The following FAM186B variants were observed in gnomAD, a reference collection of about 807,000 sequenced individuals.
FAM186B encodes protein FAM186B.
Under a neutral mutation model 83.4 loss-of-function variants are expected in FAM186B, and 68 were observed. That is an observed-to-expected ratio of 0.81 (90% confidence interval 0.67 to 1.00). The LOEUF (loss-of-function observed/expected upper bound fraction) is 1.00. Ranked by LOEUF, FAM186B falls within the 50% of genes least tolerant of loss-of-function variation. The probability of loss-of-function intolerance (pLI) is 0.00; values close to 1 mark genes in which losing one functional copy is unlikely to be tolerated. For missense variants in FAM186B, 983 were observed against 1,099.2 expected, an observed-to-expected ratio of 0.89 and a Z score of 1.49; for synonymous variants, 389 against 422.0, an observed-to-expected ratio of 0.92 and a Z score of 0.96.
At chr12:49,584,466 C>T, downstream of FAM186B, 1 of 701,750 alleles carries the variant, frequency 1.4e-6, no homozygotes, top group Non-Finnish European at 2.6e-6. Context: ...TTGAGAATCA[C>T]TGGCTGAGGG....
chr12:49,612,351 A>G, the FAM186B span, among the ~76,000 whole-genome samples: 36 of 150,206 alleles, frequency 2.4e-4, 1 homozygote, highest in Middle Eastern at 3.4e-3. Context: ...GATAAAACAG[A>G]CTTTAATCCA....
chr12:49,587,520 A>G lies in FAM186B; in HGVS notation c.*85T>C. ...GAGGTCATTGTTAAAGCCTGGAGAG[A>G]GATTTATTGGGGAGAATCCACATTG... On this transcript the variant is annotated 3_prime_UTR_variant, in exon 7 of 7. Coordinates refer to ENST00000257894, the MANE Select transcript of FAM186B (RefSeq NM_032130.3). 1 of 1,550,344 alleles carries G rather than the reference A, an allele frequency of 6.5e-7. No homozygotes were observed. The highest frequency in any genetic ancestry group is 8.9e-7 in the Non-Finnish European group (1 of 1,122,292).
the FAM186B span, among the ~76,000 whole-genome samples, chr12:49,611,883 T>G: frequency 6.7e-6 from 1 of 149,806 alleles, no homozygotes; most frequent in South Asian, 2.1e-4. Flanking sequence ...TAAAATAAAA[T>G]AAATAAACTT....
upstream of FAM186B, among the ~76,000 whole-genome samples, chr12:49,609,804 G>C (rs1353052729): frequency 6.6e-6 from 1 of 152,310 alleles, no homozygotes; most frequent in East Asian, 1.9e-4. Context: ...CTGCCATTGA[G>C]GGACCTGTAG....
In FAM186B at chr12:49,599,551, T is replaced by G. The variant is rs969951410; in HGVS notation, c.2089A>C (p.Thr697Pro). ...AGCGCGCCCAGCTCCATGGTGGTGG[T>G]GGTGAGCTCCAGTGCTTTGCTGCGC... Reference protein sequence around the residue: ...YLRSKALELTTTTMELGALRL... With the variant: ...YLRSKALELTPTTMELGALRL... The change falls in exon 4 of 7, where the codon ACC becomes CCC. Residue 697 changes from threonine (T) to proline (P), a missense_variant. Transcript: ENST00000257894. 6.2e-7 allele frequency: 1 copy of G among 1,610,726 alleles called. No individual in the cohort carries two copies. Among genetic ancestry groups the G allele is most frequent in the South Asian group, 1.1e-5 (1 of 90,572 alleles).
the FAM186B span, among the ~76,000 whole-genome samples, chr12:49,615,353 T>C: frequency 6.6e-6 from 1 of 151,362 alleles, no homozygotes; most frequent in Non-Finnish European, 1.5e-5. Context: ...CAAAAGAAAA[T>C]GAATTGAAAG....
chr12:49,601,617 TTA>T (rs1939896328), intron 3 of FAM186B, among the ~76,000 whole-genome samples: 1 of 142,354 alleles, frequency 7.0e-6, no homozygotes, highest in Admixed American at 6.7e-5. Context: ...TTCACATGTT[TTA>T]TGTTTTTTTT....
downstream of FAM186B, among the ~76,000 whole-genome samples, chr12:49,585,344 G>A (rs368434433): frequency 1.3e-3 from 198 of 152,284 alleles, no homozygotes; most frequent in South Asian, 0.011. Flanking sequence ...TAGCTGTGCA[G>A]GAACAGACCC....
In FAM186B at chr12:49,588,396, C is replaced by T. The variant is rs866863867; in HGVS notation, c.2534+58G>A. ...TGCCCACCTCCCCAGGCTGGTCACC[C>T]CTGCTCCCTGCCTCTTCACCCATAC... On this transcript the variant is annotated intron_variant, in intron 6 of 6. Transcript: ENST00000257894. 11 of 1,558,732 alleles carry T rather than the reference C, an allele frequency of 7.1e-6. No homozygotes were observed. The Middle Eastern group carries it at 6.1e-4, about 87-fold the overall frequency.
rs1273727602 is a variant in FAM186B, at chr12:49,588,621, G to A, written c.2367C>T (p.Leu789=). The A allele has an allele frequency of 6.4e-7, 1 of 1,572,946 alleles. No homozygotes were observed. Among genetic ancestry groups the A allele is most frequent in the Admixed American group, 1.7e-5 (1 of 57,172 alleles). Residue 789 remains leucine (L), a splice_region_variant and synonymous_variant, in exon 6 of 7, where the codon CTC becomes CTT. Transcript: ENST00000257894. Reference sequence around the variant, plus strand: ...TCAGGTGAACGTTCCACTCCAGCTGGAGCTAGAGGAACCAGCAGAGAGGCA... The same window carrying A: ...TCAGGTGAACGTTCCACTCCAGCTGAAGCTAGAGGAACCAGCAGAGAGGCA... The part of the protein sequence containing the change: ...LSSMVTMFPK[L]QLEWNVHLNI...
chr12:49,592,898 G>A lies in FAM186B; in HGVS notation c.2365-4275C>T, dbSNP rs139264639. On this transcript the variant is annotated intron_variant, in intron 5 of 6. Coordinates refer to ENST00000257894, the MANE Select transcript of FAM186B (RefSeq NM_032130.3). ...GCTCAGTTACTCCACAAGAAGGCAG[G>A]AAAAGAGGGAAAAAAACAAAGAACA... Among the ~76,000 whole-genome samples, 438 of 152,224 alleles carry A rather than the reference G, an allele frequency of 2.9e-3. 2 individuals carry two copies. The highest frequency in any genetic ancestry group is 4.7e-3 in the Non-Finnish European group (318 of 68,018).
Position 49,600,656 on chromosome 12 carries a change from T to C in FAM186B, c.984A>G (p.Ala328=). 1 of 1,614,088 alleles carries C rather than the reference T, an allele frequency of 6.2e-7. No individual in the cohort carries two copies. The highest frequency in any genetic ancestry group is 8.5e-7 in the Non-Finnish European group (1 of 1,179,988). ...LKKAQNATGQ[A]EDLAEVSVDS... ...CAACAGAAACCTCAGCCAGGTCTTC[T>C]GCCTGACCTGTAGCATTCTGAGCCT... is the stretch of plus-strand genomic sequence containing the variant. The change falls in exon 4 of 7, where the codon GCA becomes GCG. Residue 328 remains alanine, a synonymous_variant. Coordinates refer to ENST00000257894, the MANE Select transcript of FAM186B (RefSeq NM_032130.3). This position sits in a 1 kb window ranked among gnomAD's most constrained non-coding sequence, Gnocchi z 4.3.
At position 49,605,485 on chromosome 12, in the gene FAM186B, C is replaced by T. The variant is rs760791987; in HGVS notation, c.-8G>A. The T allele has an allele frequency of 1.9e-6, 3 of 1,611,848 alleles. No homozygotes were observed. The South Asian group carries it at 3.3e-5, about 18-fold the overall frequency. On this transcript the variant is annotated 5_prime_UTR_variant, in exon 1 of 7. Coordinates refer to ENST00000257894, the MANE Select transcript of FAM186B (RefSeq NM_032130.3). ...GGGGTCATCCTTCTCCATTTTGGAT[C>T]ACTCTGTCAGTCACAAAACATCCTG...
At chr12:49,591,775 T>C (rs1031478352) in intron 5 of FAM186B, among the ~76,000 whole-genome samples, 2 of 152,202 alleles carry the variant, frequency 1.3e-5, no homozygotes, top group African/African-American at 2.4e-5. Flanking sequence ...CACATGCTTA[T>C]ATAAAATGGT....
At chr12:49,611,578 A>T in the FAM186B span, among the ~76,000 whole-genome samples, 2 of 139,858 alleles carry the variant, frequency 1.4e-5, no homozygotes, top group African/African-American at 5.4e-5. Flanking sequence ...ATAAAAATGT[A>T]GGCCGGGCGC....
Position 49,603,372 on chromosome 12 carries a change from A to C in FAM186B, c.323-5T>G, listed in dbSNP as rs202214677. 1.7e-3 allele frequency: 2,697 copies of C among 1,613,998 alleles called. 10 individuals are homozygous for C. The highest frequency in any genetic ancestry group is 1.9e-3 in the Non-Finnish European group (2,279 of 1,179,958). On this transcript the variant is annotated splice_polypyrimidine_tract_variant and splice_region_variant and intron_variant, in intron 2 of 6. Transcript: ENST00000257894. ...TCTCATAGGTCAGAGTGTCACCTGG[A>C]GAAGGGATGGGAGGTGCAGGCTGAG...
At position 49,599,479 on chromosome 12, in the gene FAM186B, G is replaced by C; in HGVS notation, c.2161C>G (p.Gln721Glu). 1 of 1,534,688 alleles carries C rather than the reference G, an allele frequency of 6.5e-7. No homozygotes were observed. The highest frequency in any genetic ancestry group is 8.7e-7 in the Non-Finnish European group (1 of 1,143,622). ...CHKYIFYRRLQSLRQEAINHV... is the reference protein window; with the variant it reads ...CHKYIFYRRLESLRQEAINHV... ...CCAGGGAGGACCTACCGGAGGCTCT[G>C]GAGGCGTCTATAGAAGATGTACTTA... The change falls in exon 4 of 7, where the codon CAG becomes GAG. Residue 721 changes from glutamine to glutamate, a missense_variant. Gln to Glu is a conservative substitution (Grantham distance 29, BLOSUM62 2). Transcript: ENST00000257894.
chr12:49,617,977 CTCTG>C, the FAM186B span, among the ~76,000 whole-genome samples: 1 of 152,178 alleles, frequency 6.6e-6, no homozygotes, highest in Non-Finnish European at 1.5e-5. Context: ...GGGCAATCTC[CTCTG>C]TCTGACCACA....
chr12:49,600,035 G>A lies in FAM186B; in HGVS notation c.1605C>T (p.Val535=), dbSNP rs774561616. Residue 535 remains valine (V), a synonymous_variant, in exon 4 of 7, where the codon GTC becomes GTT. Transcript: ENST00000257894. This position sits in a 1 kb window ranked among gnomAD's most constrained non-coding sequence, Gnocchi z 4.3. The part of the protein sequence containing the change: ...DLAREQQRRW[V]QLEKEQESPR... The stretch of plus-strand genomic sequence containing the variant: ...GGCTCTCCTGCTCCTTTTCTAGCTG[G>A]ACCCATCTCCGCTGTTGCTCCCTGG... 3 of 1,607,122 alleles carry A rather than the reference G, an allele frequency of 1.9e-6. No individual in the cohort carries two copies. The highest frequency in any genetic ancestry group is 2.5e-6 in the Non-Finnish European group (3 of 1,176,642).
Sources: allele counts gnomAD v4.1 joint callset (sites outside exome capture counted in the v4.1 genomes callset), GRCh38; gene constraint gnomAD v4.1.1; non-coding constraint Gnocchi (gnomAD v3.1); transcripts MANE v1.5; gene names NCBI Gene and HGNC (gene_info 2026-07-23, HGNC 2026-07-21).